Variants in NLRP12 observed in about 807,000 individuals in gnomAD.
NLRP12 encodes NACHT, LRR and PYD domains-containing protein 12.
In NLRP12, 108 loss-of-function variants were observed where a neutral mutation model predicts 91.2. The observed-to-expected ratio is 1.18, with a 90% CI of 1.01 to 1.39. The LOEUF (loss-of-function observed/expected upper bound fraction) is 1.39. Among genes scored for constraint, NLRP12 ranks in the 40% most tolerant of loss-of-function variants. The pLI is 0.00. For synonymous variants in NLRP12, 613 were observed against 566.7 expected (o/e 1.08, Z -1.16); for missense variants, 1,530 against 1,352.7 (o/e 1.13, Z -2.06).
intron 2 of NLRP12, among the ~76,000 whole-genome samples, chr19:53,813,298 T>TC (rs1568685965): frequency 1.7e-4 from 22 of 129,094 alleles, no homozygotes; most frequent in Non-Finnish European, 2.6e-4. Context: ...TTTTTTCTTT[T>TC]CTTTTTTTTT....
intron 6 of NLRP12, among the ~76,000 whole-genome samples, chr19:53,802,114 C>G (rs2091885346): frequency 6.6e-6 from 1 of 151,550 alleles, no homozygotes; most frequent in South Asian, 2.1e-4. Flanking sequence ...GTAATCCCAG[C>G]TACTTGGGAG....
intron 1 of NLRP12, among the ~76,000 whole-genome samples, chr19:53,818,795 T>C (rs1044580178): frequency 9.9e-5 from 15 of 152,220 alleles, no homozygotes; most frequent in African/African-American, 3.6e-4. Context: ...TGCAGATTCC[T>C]GTTGCCTAAG....
chr19:53,824,189 C>A lies in NLRP12; in HGVS notation c.-15G>T, dbSNP rs1599879847. 1.2e-6 allele frequency: 2 copies of A among 1,613,114 alleles called. No individual in the cohort carries two copies. On this transcript the variant is annotated 5_prime_UTR_variant, in exon 1 of 10. Transcript: ENST00000324134. ...GTTCGTAGCATGGGGGTGCCGTGAG[C>A]CCCAAAGGAGAGGACCTGGAGGCTG...
intron 2 of NLRP12, 21 bp downstream of exon 2, chr19:53,814,887 G>A (rs746470401): frequency 1.9e-6 from 3 of 1,597,734 alleles, no homozygotes; most frequent in Admixed American, 3.3e-5. Context: ...AATACATGTA[G>A]GTACATGGCT....
intron 1 of NLRP12, among the ~76,000 whole-genome samples, chr19:53,821,764 G>T (rs1046642356): frequency 6.6e-6 from 1 of 152,166 alleles, no homozygotes; most frequent in African/African-American, 2.4e-5. Context: ...ATCAGAAGGA[G>T]TGGGGGAAGA....
intron 4 of NLRP12, 43 bp from the exon 5 acceptor site, chr19:53,805,493 C>T: frequency 1.2e-6 from 2 of 1,600,714 alleles, no homozygotes; most frequent in Non-Finnish European, 1.7e-6. Context: ...ATTTCTTTTG[C>T]TCCAGTTTTG....
chr19:53,796,191 T>A (rs759643653), intron 8 of NLRP12, 162 bp from the exon 9 acceptor site: 1 of 694,060 alleles, frequency 1.4e-6, no homozygotes, highest in African/African-American at 1.8e-5. Flanking sequence ...CTCAGCCTCC[T>A]GAGTAGCTGG....
intron 2 of NLRP12, among the ~76,000 whole-genome samples, chr19:53,813,082 T>C (rs1446774126): frequency 1.3e-5 from 2 of 151,814 alleles, no homozygotes; most frequent in East Asian, 1.9e-4. Flanking sequence ...AGTTTCACCA[T>C]GTTGGCCAGG....
intron 3 of NLRP12, among the ~76,000 whole-genome samples, chr19:53,808,948 C>A (rs895014859): frequency 1.3e-5 from 2 of 151,986 alleles, no homozygotes; most frequent in Non-Finnish European, 2.9e-5. Flanking sequence ...AGCAAAATCA[C>A]CCCCAGCTGA....
At chr19:53,817,099 G>C (rs2092172372) in intron 1 of NLRP12, among the ~76,000 whole-genome samples, 3 of 150,116 alleles carry the variant, frequency 2.0e-5, no homozygotes, top group Non-Finnish European at 4.4e-5. Flanking sequence ...AGACCATCCT[G>C]GGTAACACGG....
chr19:53,823,984 A>G lies in NLRP12; in HGVS notation c.191T>C (p.Phe64Ser). 3 of 1,614,100 alleles carry G rather than the reference A, an allele frequency of 1.9e-6. No homozygotes were observed. The highest frequency in any genetic ancestry group is 1.7e-6 in the Non-Finnish European group (2 of 1,180,036). ...CAACCTCCAGGCCTCCTCTGGCCCG[A>G]AGTGGGTGATGAGCAGCTGGGCCAT... is the stretch of plus-strand genomic sequence containing the variant. ...LEMAQLLITH[F>S]GPEEAWRLAL... The change falls in exon 1 of 10, where the codon TTC becomes TCC. Residue 64 changes from phenylalanine (F) to serine (S), a missense_variant. Transcript: ENST00000324134.
At chr19:53,806,790 T>C (rs1375243847) in intron 4 of NLRP12, among the ~76,000 whole-genome samples, 1 of 146,690 alleles carries the variant, frequency 6.8e-6, no homozygotes, top group Non-Finnish European at 1.5e-5. Context: ...TCCAGGAGTT[T>C]GGGGCTGCAG....
intron 5 of NLRP12, among the ~76,000 whole-genome samples, 184 bp downstream of exon 5, chr19:53,805,096 G>T (rs1434690104): frequency 1.3e-5 from 2 of 152,186 alleles, no homozygotes. Context: ...TGAGTGTGGA[G>T]TCAGAGGAGG....
At chr19:53,820,426 A>G (rs550226331) in intron 1 of NLRP12, among the ~76,000 whole-genome samples, 3 of 151,434 alleles carry the variant, frequency 2.0e-5, no homozygotes, top group East Asian at 2.0e-4. Context: ...GCTACTCAGG[A>G]GGCTGAGGCA....
intron 6 of NLRP12, 98 bp downstream of exon 6, chr19:53,803,854 G>A (rs527862390): frequency 1.3e-4 from 159 of 1,232,348 alleles, no homozygotes; most frequent in South Asian, 2.9e-4. Flanking sequence ...GATTACAGGC[G>A]TGAGCCACTG....
At chr19:53,816,430 C>A (rs1013940735) in intron 1 of NLRP12, among the ~76,000 whole-genome samples, 5 of 151,436 alleles carry the variant, frequency 3.3e-5, no homozygotes, top group African/African-American at 1.2e-4. Flanking sequence ...TATGGGGACA[C>A]CTTCCCTGTG....
chr19:53,810,038 C>G lies in NLRP12; in HGVS notation c.1621G>C (p.Val541Leu), dbSNP rs142569357. 2 of 1,614,152 alleles carry G rather than the reference C, an allele frequency of 1.2e-6. No individual in the cohort carries two copies. Among genetic ancestry groups the G allele is most frequent in the Non-Finnish European group, 1.7e-6 (2 of 1,180,024 alleles). ...GCGTACTCGGTCAACAGCCTGGTCA[C>G]GTCCTGGTCTGGGCCTGCCCCGCCC... ...GEGGAGPDQD[V>L]TRLLTEYAFS... Residue 541 changes from valine to leucine, a missense_variant, in exon 3 of 10, where the codon GTG (valine) becomes CTG (leucine). By Grantham distance (32) the Val-to-Leu change is conservative. Coordinates refer to ENST00000324134, the MANE Select transcript of NLRP12 (RefSeq NM_144687.4).
rs748313621 is a variant in NLRP12, at chr19:53,811,049, C to T, written c.610G>A (p.Glu204Lys). ...IKIETLFEPD[E>K]ERPEPPRTVV... ...GTGCGCGGTGGCTCGGGGCGCTCCT[C>T]GTCTGGCTCAAAGAGGGTCTCTATC... Residue 204 changes from glutamate to lysine, a missense_variant, in exon 3 of 10, where the codon GAG becomes AAG. Coordinates refer to ENST00000324134, the MANE Select transcript of NLRP12 (RefSeq NM_144687.4). The T allele has an allele frequency of 1.4e-5, 22 of 1,612,546 alleles. No homozygotes were observed. In the Admixed American group the frequency reaches 2.2e-4, roughly 16 times the overall value.
intron 7 of NLRP12, 121 bp from the exon 8 acceptor site, chr19:53,798,534 TGAG>T (rs2091812359): frequency 1.1e-6 from 1 of 944,274 alleles, no homozygotes; most frequent in African/African-American, 1.6e-5. Flanking sequence ...TCTCTACCCT[TGAG>T]AGACAAAAAG....
Sources: gnomAD v4.1 joint callset for allele counts (sites outside exome capture counted in the v4.1 genomes callset) on GRCh38, gnomAD v4.1.1 for gene constraint, MANE v1.5 for transcripts, NCBI Gene and HGNC (gene_info 2026-07-23, HGNC 2026-07-21) for gene names.